OSTN: variants seen among roughly 807,000 people sequenced by gnomAD.
OSTN encodes osteocrin.
OSTN carries 9 observed loss-of-function variants against 12.0 expected under a neutral mutation model. The observed-to-expected ratio is 0.75, with a 90% CI of 0.45 to 1.30. The LOEUF is 1.30. Ranked by LOEUF, OSTN falls within the 50% of genes most tolerant of loss-of-function variation. OSTN has a pLI of 0.00. For synonymous variants in OSTN, 59 were observed against 56.9 expected (o/e 1.04, Z -0.16); for missense variants, 148 against 152.3 (o/e 0.97, Z 0.15).
intron 1 of OSTN, among the ~76,000 whole-genome samples, chr3:191,202,550 T>C (rs1294126867): frequency 6.6e-6 from 1 of 152,244 alleles, no homozygotes; most frequent in Non-Finnish European, 1.5e-5. Context: ...TTCCATTTAT[T>C]ATGTTGGCTA....
At position 191,241,167 on chromosome 3, in the gene OSTN, C is replaced by CTTT. The variant is rs575332839; in HGVS notation, c.318-8843_318-8841dup. On this transcript the variant is annotated intron_variant, in intron 3 of 4. Coordinates refer to ENST00000682035, the MANE Select transcript of OSTN (RefSeq NM_198184.2). ...AAGTTGGTGGAGCTCTGTGCCTTGA[C>CTTT]TTTTTTTTTTTTTTTTTTTTTTTTT... Among the ~76,000 whole-genome samples the CTTT allele has an allele frequency of 5.4e-3, 251 of 46,446 alleles. 96 individuals carry two copies. The highest frequency in any genetic ancestry group is 9.3e-3 in the Non-Finnish European group (187 of 20,206). The allele number at this position is 46,446 out of a possible 152,430, so 30.5% of individuals were successfully genotyped here.
intron 1 of OSTN, among the ~76,000 whole-genome samples, chr3:191,205,627 TGACA>T (rs1201728037): frequency 6.6e-6 from 1 of 152,038 alleles, no homozygotes; most frequent in Non-Finnish European, 1.5e-5. Flanking sequence ...TATTTTGTCT[TGACA>T]GACTGTTAAT....
rs911398125 is a variant in OSTN at position 191,262,870 on chromosome 3, A to G, written c.*17A>G. 3 of 702,274 alleles carry G rather than the reference A, an allele frequency of 4.3e-6. No homozygotes were observed. The highest frequency in any genetic ancestry group is 2.0e-5 in the Admixed American group (1 of 50,012). 43.5% of individuals were successfully genotyped at this position (702,274 alleles called of 1,614,324 possible). ...TCTCAACTTTCGTTTTTGCAGATGC[A>G]ACTTCCTTGGGTGAAATGTCACAGC... On this transcript the variant is annotated 3_prime_UTR_variant, in exon 5 of 5. Transcript: ENST00000682035.
chr3:191,253,150 G>A (rs1439079601), intron 4 of OSTN, among the ~76,000 whole-genome samples: 1 of 152,170 alleles, frequency 6.6e-6, no homozygotes, highest in East Asian at 1.9e-4. Flanking sequence ...ACATTTCTAA[G>A]ACGAACAGAA....
At chr3:191,203,307 G>T (rs1047834537) in intron 1 of OSTN, among the ~76,000 whole-genome samples, 4 of 152,126 alleles carry the variant, frequency 2.6e-5, no homozygotes, top group Non-Finnish European at 5.9e-5. Flanking sequence ...CATGGTCTCT[G>T]CCCTAAACGA....
chr3:191,218,560 T>C (rs1714680950), intron 2 of OSTN, among the ~76,000 whole-genome samples, 187 bp from the exon 3 acceptor site: 1 of 152,136 alleles, frequency 6.6e-6, no homozygotes, highest in African/African-American at 2.4e-5. Context: ...GAAGTGGACA[T>C]TGCAGTGAGC....
chr3:191,265,440 T>C lies in OSTN; in HGVS notation c.*2587T>C, dbSNP rs1007567723. ...TCAAGTTGTACCTTTAACCTGTTCA[T>C]AGCTTTAGGGAATTAAGTTTCTTAA... On this transcript the variant is annotated 3_prime_UTR_variant, in exon 5 of 5. Transcript: ENST00000682035. 6.6e-6 allele frequency: 1 copy of C among 152,220 alleles called. No individual in the cohort carries two copies. The highest frequency in any genetic ancestry group is 1.5e-5 in the Non-Finnish European group (1 of 68,022). 9.4% of individuals were successfully genotyped at this position (152,220 alleles called of 1,614,324 possible). A position where few individuals can be genotyped will look rare whatever the true frequency, so the allele number is the denominator to read the frequency against.
rs989604435 is a variant in OSTN at position 191,231,875 on chromosome 3, T to A, written c.317+12914T>A. On this transcript the variant is annotated intron_variant, in intron 3 of 4. Coordinates refer to ENST00000682035, the MANE Select transcript of OSTN (RefSeq NM_198184.2). ...CTATGAACCCCTTCTCAGAGTATTGTTTTTAGAGTGATAGAATTTATGAGT... is the reference window on the plus strand; with the variant it reads ...CTATGAACCCCTTCTCAGAGTATTGATTTTAGAGTGATAGAATTTATGAGT... 4.6e-5 allele frequency among the ~76,000 whole-genome samples: 7 copies of A among 152,164 alleles called. No individual in the cohort carries two copies. The South Asian group carries it at 1.2e-3, about 27-fold the overall frequency.
intron 3 of OSTN, among the ~76,000 whole-genome samples, chr3:191,244,204 A>T (rs1450829246): frequency 6.6e-6 from 1 of 152,150 alleles, no homozygotes; most frequent in African/African-American, 2.4e-5. Flanking sequence ...AATGTAAAAT[A>T]CCTTTAGAAA....
At chr3:191,245,472 T>G (rs141002239) in intron 3 of OSTN, among the ~76,000 whole-genome samples, 1 of 152,208 alleles carries the variant, frequency 6.6e-6, no homozygotes, top group Non-Finnish European at 1.5e-5. Flanking sequence ...ATACTATCAG[T>G]AAGTAAATCA....
chr3:191,227,902 TTTTA>T (rs1714953211), intron 3 of OSTN, among the ~76,000 whole-genome samples: 4 of 152,190 alleles, frequency 2.6e-5, no homozygotes, highest in South Asian at 4.1e-4. Context: ...GGTGTTATAA[TTTTA>T]TTTAACACGT....
chr3:191,214,831 G>A (rs1231685615), intron 2 of OSTN, among the ~76,000 whole-genome samples: 1 of 152,080 alleles, frequency 6.6e-6, no homozygotes, highest in East Asian at 1.9e-4. Flanking sequence ...TGTCCAACAT[G>A]GTGAAACTCC....
chr3:191,213,997 A>G (rs1714534429), intron 2 of OSTN, among the ~76,000 whole-genome samples: 2 of 152,202 alleles, frequency 1.3e-5, no homozygotes. Flanking sequence ...GATCTGAGGA[A>G]TAGTTTGAAA....
intron 4 of OSTN, among the ~76,000 whole-genome samples, chr3:191,261,345 G>A (rs1448402127): frequency 6.6e-6 from 1 of 152,168 alleles, no homozygotes; most frequent in East Asian, 1.9e-4. Context: ...TTATCTTGAG[G>A]TTACAGAAAG....
rs116526082 is a variant in OSTN, at chr3:191,224,113, C to T, written c.317+5152C>T. 7.7e-3 allele frequency among the ~76,000 whole-genome samples: 1,175 copies of T among 152,238 alleles called. 21 individuals carry two copies. Among genetic ancestry groups the T allele is most frequent in the African/African-American group, 0.027 (1,124 of 41,558 alleles). On this transcript the variant is annotated intron_variant, in intron 3 of 4. Coordinates refer to ENST00000682035, the MANE Select transcript of OSTN (RefSeq NM_198184.2). The stretch of plus-strand genomic sequence containing the variant: ...ATTAATAAGGCCGGGCACCATGACT[C>T]ATGCCTGTAATCCCAGCACTTTGGG...
intron 1 of OSTN, among the ~76,000 whole-genome samples, chr3:191,209,666 A>T (rs1276574202): frequency 6.6e-6 from 1 of 152,250 alleles, no homozygotes; most frequent in Non-Finnish European, 1.5e-5. Context: ...TTTAAGTCTT[A>T]ACTGACATAG....
intron 3 of OSTN, among the ~76,000 whole-genome samples, chr3:191,247,610 T>A (rs1459862525): frequency 6.6e-6 from 1 of 152,178 alleles, no homozygotes; most frequent in Non-Finnish European, 1.5e-5. Context: ...ATGGCCCTAT[T>A]TCTGTAATAT....
chr3:191,229,207 G>A (rs952273521), intron 3 of OSTN, among the ~76,000 whole-genome samples: 6 of 152,170 alleles, frequency 3.9e-5, no homozygotes, highest in African/African-American at 1.2e-4. Flanking sequence ...GGAAAGAGAA[G>A]GCGATTCTGA....
chr3:191,208,057 G>A (rs548306775), intron 1 of OSTN, among the ~76,000 whole-genome samples: 7 of 152,230 alleles, frequency 4.6e-5, no homozygotes, highest in Admixed American at 2.0e-4. Flanking sequence ...CTTCTTATAA[G>A]GCGGATTCCA....
Sources: gnomAD v4.1 joint callset for allele counts (sites outside exome capture counted in the v4.1 genomes callset) on GRCh38, gnomAD v4.1.1 for gene constraint, MANE v1.5 for transcripts, NCBI Gene and HGNC (gene_info 2026-07-23, HGNC 2026-07-21) for gene names.